The following CTSC variants were observed in gnomAD, a reference collection of about 807,000 sequenced individuals.
The protein encoded by CTSC is cathepsin C.
CTSC carries 37 observed loss-of-function variants against 40.9 expected under a neutral mutation model. That is an observed-to-expected ratio of 0.91 (90% confidence interval 0.70 to 1.19). The LOEUF is 1.19. CTSC is among the 50% of genes most tolerant of loss of function. The pLI is 0.00. For synonymous variants in CTSC, 232 were observed against 207.4 expected (o/e 1.12, Z -1.02); for missense variants, 594 against 567.3 (o/e 1.05, Z -0.48).
At position 88,300,585 on chromosome 11, in the gene CTSC, A is replaced by G; in HGVS notation, c.702T>C (p.Ser234=). Residue 234 remains serine, a synonymous_variant, in exon 5 of 7, where the codon TCT becomes TCC. Coordinates refer to ENST00000227266, the MANE Select transcript of CTSC (RefSeq NM_001814.6). ...TACCATGAACATTTCTCCAGTCCCA[A>G]GATGTTGGCAAATGCAAAATCTTTT... The part of the protein sequence containing the change: ...IQQKILHLPT[S]WDWRNVHGIN... 1 of 1,614,028 alleles carries G rather than the reference A, an allele frequency of 6.2e-7. No individual in the cohort carries two copies. The highest frequency in any genetic ancestry group is 8.5e-7 in the Non-Finnish European group (1 of 1,179,880).
intron 4 of CTSC, among the ~76,000 whole-genome samples, chr11:88,303,203 T>C (rs1262153259): frequency 2.0e-5 from 3 of 152,246 alleles, no homozygotes; most frequent in African/African-American, 7.2e-5. Flanking sequence ...ATCAAATGCA[T>C]GTGGGTTTTT....
intron 1 of CTSC, among the ~76,000 whole-genome samples, chr11:88,336,532 C>G (rs1286065609): frequency 7.0e-6 from 1 of 141,882 alleles, no homozygotes; most frequent in African/African-American, 2.7e-5. Flanking sequence ...GAGCAAGACT[C>G]CATTCTCAAA....
rs104894210 is a variant in CTSC at position 88,337,557 on chromosome 11, C to G, written c.116G>C (p.Trp39Ser). Residue 39 changes from tryptophan to serine, a missense_variant, in exon 1 of 7, where the codon TGG becomes TCG. Physicochemically the swap from Trp to Ser is radical, Grantham distance 177. Coordinates refer to ENST00000227266, the MANE Select transcript of CTSC (RefSeq NM_001814.6). Reference protein sequence around the residue: ...NCTYLDLLGTWVFQVGSSGSQ... With the variant: ...NCTYLDLLGTSVFQVGSSGSQ... The stretch of plus-strand genomic sequence containing the variant: ...ACCGCTGGAGCCCACCTGGAAGACC[C>G]AGGTGCCCAGCAGGTCAAGATAGGT... 1.9e-6 allele frequency: 3 copies of G among 1,576,786 alleles called. No homozygotes were observed. The highest frequency in any genetic ancestry group is 3.6e-5 in the Admixed American group (2 of 55,112).
At chr11:88,319,269 CAGA>C (rs978145302) in intron 2 of CTSC, among the ~76,000 whole-genome samples, 7 of 152,094 alleles carry the variant, frequency 4.6e-5, no homozygotes, top group African/African-American at 1.7e-4. Context: ...AACATGTTGA[CAGA>C]AGTTTTTAAA....
chr11:88,295,212 C>T (rs1236598191), intron 6 of CTSC, among the ~76,000 whole-genome samples: 1 of 152,224 alleles, frequency 6.6e-6, no homozygotes, highest in Non-Finnish European at 1.5e-5. Context: ...GAAAGGCTCA[C>T]TGGCAAATAA....
chr11:88,336,331 G>A (rs1323929725), intron 1 of CTSC, among the ~76,000 whole-genome samples: 1 of 151,596 alleles, frequency 6.6e-6, no homozygotes, highest in Non-Finnish European at 1.5e-5. Context: ...ACGAGGTCAG[G>A]AGATGGAGAC....
chr11:88,333,548 C>G (rs932713556), intron 2 of CTSC, among the ~76,000 whole-genome samples: 1 of 152,200 alleles, frequency 6.6e-6, no homozygotes, highest in Non-Finnish European at 1.5e-5. Flanking sequence ...AGTCAAAGAA[C>G]CTTTGAAGGG....
intron 2 of CTSC, chr11:88,322,381 T>C (rs900287783): frequency 6.6e-6 from 1 of 152,206 alleles, no homozygotes; most frequent in African/African-American, 2.4e-5. Flanking sequence ...ATTTTGGGTT[T>C]TACATTTAAG....
chr11:88,305,967 T>C (rs1368325842), intron 4 of CTSC, among the ~76,000 whole-genome samples: 1 of 152,150 alleles, frequency 6.6e-6, no homozygotes, highest in Non-Finnish European at 1.5e-5. Flanking sequence ...TGATGCTTGT[T>C]TGGATTTTTG....
chr11:88,326,206 T>C (rs1938180523), intron 2 of CTSC: 3 of 1,382,430 alleles, frequency 2.2e-6, no homozygotes, highest in Non-Finnish European at 2.8e-6. Context: ...TCCAAAATGA[T>C]GTTTACTGTT....
At chr11:88,332,335 C>T (rs1284123837) in intron 2 of CTSC, among the ~76,000 whole-genome samples, 1 of 152,186 alleles carries the variant, frequency 6.6e-6, no homozygotes, top group African/African-American at 2.4e-5. Flanking sequence ...ATACTTATTA[C>T]ATGGGCTTGT....
chr11:88,306,168 G>A (rs1308357068), intron 4 of CTSC, among the ~76,000 whole-genome samples: 3 of 152,178 alleles, frequency 2.0e-5, no homozygotes. Context: ...TTTAAGAAAG[G>A]GGTAGAATTA....
intron 4 of CTSC, among the ~76,000 whole-genome samples, chr11:88,301,670 T>C (rs1319385477): frequency 2.0e-5 from 3 of 152,162 alleles, no homozygotes; most frequent in East Asian, 1.9e-4. Context: ...AGTGTTGGGC[T>C]GTAAGACACA....
At chr11:88,301,504 A>G (rs1195985228) in intron 4 of CTSC, among the ~76,000 whole-genome samples, 1 of 152,020 alleles carries the variant, frequency 6.6e-6, no homozygotes, top group Non-Finnish European at 1.5e-5. Flanking sequence ...TTGTTGCTTC[A>G]TTCTTTCCTT....
chr11:88,314,854 T>C (rs1937840339), intron 2 of CTSC, among the ~76,000 whole-genome samples: 1 of 152,006 alleles, frequency 6.6e-6, no homozygotes, highest in South Asian at 2.1e-4. Flanking sequence ...CTGGATCCCA[T>C]ATGTCTGCTT....
intron 4 of CTSC, among the ~76,000 whole-genome samples, chr11:88,307,844 A>G (rs1937667260): frequency 6.6e-6 from 1 of 152,102 alleles, no homozygotes; most frequent in Non-Finnish European, 1.5e-5. Flanking sequence ...TCTCGTAATC[A>G]CCCAACGGGT....
chr11:88,294,261 G>A lies in CTSC; in HGVS notation c.1137C>T (p.Asp379=), dbSNP rs753252587. ...AGATCCCCTTTTTGTAGTGGAGGAA[G>A]TCATCATATACTTCAAAAGCAACTG... ...PMAVAFEVYD[D]FLHYKKGIYH... Residue 379 remains aspartate, a synonymous_variant, in exon 7 of 7, where the codon GAC becomes GAT. Transcript: ENST00000227266. 1 of 1,614,030 alleles carries A rather than the reference G, an allele frequency of 6.2e-7. No homozygotes were observed. The highest frequency in any genetic ancestry group is 1.1e-5 in the South Asian group (1 of 91,080).
At chr11:88,304,014 G>A (rs531031481) in intron 4 of CTSC, among the ~76,000 whole-genome samples, 2 of 151,994 alleles carry the variant, frequency 1.3e-5, no homozygotes, top group Non-Finnish European at 2.9e-5. Flanking sequence ...TGGGAGTTAT[G>A]AGCCAGGAAC....
intron 3 of CTSC, 60 bp downstream of exon 3, chr11:88,312,328 C>T (rs1300234158): frequency 1.2e-5 from 18 of 1,528,906 alleles, no homozygotes; most frequent in Non-Finnish European, 1.6e-5. Flanking sequence ...AAAATGTACA[C>T]ACATATTCAT....
Sources: allele counts gnomAD v4.1 joint callset (sites outside exome capture counted in the v4.1 genomes callset), GRCh38; gene constraint gnomAD v4.1.1; transcripts MANE v1.5; gene names NCBI Gene and HGNC (gene_info 2026-07-23, HGNC 2026-07-21).